Variants in SPOCK3 observed in about 807,000 individuals in gnomAD.
The protein encoded by SPOCK3 is SPARC (osteonectin), cwcv and kazal like domains proteoglycan 3, also known as testican-3.
Under a neutral mutation model 56.6 loss-of-function variants are expected in SPOCK3, and 30 were observed. That is an observed-to-expected ratio of 0.53 (90% CI 0.40 to 0.72). SPOCK3 has a LOEUF of 0.72. Among genes scored for constraint, SPOCK3 ranks in the 30% least tolerant of loss-of-function variants. The pLI, the probability that SPOCK3 is intolerant of heterozygous loss-of-function variation, is 0.00. For synonymous variants in SPOCK3, 196 were observed against 183.3 expected (o/e 1.07, Z -0.56); for missense variants, 527 against 530.0 (o/e 0.99, Z 0.06).
chr4:167,140,051 T>C (rs909174616), intron 2 of SPOCK3, among the ~76,000 whole-genome samples: 1 of 152,048 alleles, frequency 6.6e-6, no homozygotes, highest in Non-Finnish European at 1.5e-5. Context: ...GAAGTTGTCA[T>C]ACAGAATGGC....
chr4:166,912,513 G>A, intron 5 of SPOCK3, 107 bp downstream of exon 5: 1 of 1,089,162 alleles, frequency 9.2e-7, no homozygotes, highest in African/African-American at 1.6e-5. Context: ...TATTTTATAA[G>A]TTAAATGAAT....
chr4:166,955,495 TA>T (rs1297738681), intron 4 of SPOCK3, among the ~76,000 whole-genome samples: 4 of 146,016 alleles, frequency 2.7e-5, no homozygotes, highest in Non-Finnish European at 6.0e-5. Context: ...ATTATATTAT[TA>T]AATTAGTTAT....
At chr4:167,149,804 T>G (rs1391110949) in intron 2 of SPOCK3, among the ~76,000 whole-genome samples, 2 of 146,478 alleles carry the variant, frequency 1.4e-5, no homozygotes, top group Non-Finnish European at 1.5e-5. Context: ...ATTTGAGAGA[T>G]ATATATGCAC....
At chr4:166,899,508 C>CTTTTT (rs781766258) in intron 5 of SPOCK3, among the ~76,000 whole-genome samples, 41,341 of 118,562 alleles carry the variant, frequency 0.35, 8,502 homozygotes, top group South Asian at 0.44. Flanking sequence ...TTCTTTCTTT[C>CTTTTT]TTTTTTTTTT....
At chr4:167,205,192 A>G (rs1330251891) in intron 2 of SPOCK3, among the ~76,000 whole-genome samples, 1 of 103,874 alleles carries the variant, frequency 9.6e-6, no homozygotes, top group African/African-American at 3.8e-5. Flanking sequence ...TAGATATTTT[A>G]TATCTATAAT....
chr4:167,163,409 T>C (rs1580483285), intron 2 of SPOCK3, among the ~76,000 whole-genome samples: 1 of 152,050 alleles, frequency 6.6e-6, no homozygotes, highest in Non-Finnish European at 1.5e-5. Flanking sequence ...GGGGTACCCA[T>C]CACCTCAAGT....
chr4:166,877,293 T>C (rs1442374455), intron 6 of SPOCK3, among the ~76,000 whole-genome samples: 1 of 152,192 alleles, frequency 6.6e-6, no homozygotes, highest in Middle Eastern at 3.2e-3. Flanking sequence ...AGTAGATTTC[T>C]CTGCAGCTAT....
chr4:166,817,832 G>C (rs1011660418), intron 6 of SPOCK3, among the ~76,000 whole-genome samples: 1 of 152,034 alleles, frequency 6.6e-6, no homozygotes, highest in Non-Finnish European at 1.5e-5. Context: ...TTAAGAAACT[G>C]TGACAGTGAC....
At chr4:167,187,442 A>G (rs1475690866) in intron 2 of SPOCK3, among the ~76,000 whole-genome samples, 1 of 151,852 alleles carries the variant, frequency 6.6e-6, no homozygotes, top group Non-Finnish European at 1.5e-5. Context: ...TACTTTCTCC[A>G]TGATATAACA....
At chr4:167,098,832 A>C (rs566178324) in intron 2 of SPOCK3, among the ~76,000 whole-genome samples, 2 of 152,158 alleles carry the variant, frequency 1.3e-5, no homozygotes, top group South Asian at 4.1e-4. Flanking sequence ...CTTCATGCCA[A>C]ATATTCCAAA....
intron 7 of SPOCK3, among the ~76,000 whole-genome samples, chr4:166,772,090 T>A (rs1739002662): frequency 6.6e-6 from 1 of 152,062 alleles, no homozygotes; most frequent in Non-Finnish European, 1.5e-5. Flanking sequence ...AATAATCTCA[T>A]TTTATTTTAT....
intron 5 of SPOCK3, among the ~76,000 whole-genome samples, chr4:166,896,724 C>T (rs1325348007): frequency 6.6e-6 from 1 of 152,180 alleles, no homozygotes; most frequent in Non-Finnish European, 1.5e-5. Flanking sequence ...ATACTTTCTC[C>T]ATGAATGAGA....
intron 2 of SPOCK3, among the ~76,000 whole-genome samples, chr4:167,190,023 C>G (rs145776221): frequency 6.9e-6 from 1 of 145,522 alleles, no homozygotes; most frequent in Non-Finnish European, 1.5e-5. Flanking sequence ...TATTAATTCA[C>G]GAAGGACACT....
At chr4:166,918,655 A>G (rs893186388) in intron 4 of SPOCK3, among the ~76,000 whole-genome samples, 1 of 152,228 alleles carries the variant, frequency 6.6e-6, no homozygotes, top group African/African-American at 2.4e-5. Flanking sequence ...ATTTTTAAAC[A>G]TATTTTAAAA....
intron 2 of SPOCK3, among the ~76,000 whole-genome samples, chr4:167,168,663 A>T (rs551038925): frequency 6.6e-6 from 1 of 152,258 alleles, no homozygotes; most frequent in African/African-American, 2.4e-5. Context: ...CAGCCTGACA[A>T]TGCAGTAGAA....
At chr4:167,058,760 G>T (rs1276643749) in intron 3 of SPOCK3, among the ~76,000 whole-genome samples, 1 of 152,074 alleles carries the variant, frequency 6.6e-6, no homozygotes, top group Non-Finnish European at 1.5e-5. Context: ...ATACTACAAG[G>T]CTACAGTAAC....
intron 10 of SPOCK3, among the ~76,000 whole-genome samples, chr4:166,736,154 C>A (rs1322762748): frequency 6.6e-6 from 1 of 152,026 alleles, no homozygotes; most frequent in Non-Finnish European, 1.5e-5. Flanking sequence ...AAATTCCCAT[C>A]TTAACTGAAG....
intron 2 of SPOCK3, among the ~76,000 whole-genome samples, chr4:167,190,785 T>A (rs138732122): frequency 2.7e-5 from 4 of 145,918 alleles, no homozygotes; most frequent in Non-Finnish European, 4.5e-5. Context: ...AAGTTAAATT[T>A]TGTGTATGAT....
At chr4:166,953,895 G>T (rs932423311) in intron 4 of SPOCK3, among the ~76,000 whole-genome samples, 19 of 152,016 alleles carry the variant, frequency 1.2e-4, no homozygotes, top group African/African-American at 3.1e-4. Flanking sequence ...TGAGAACACA[G>T]GGACACAGGA....
Sources: gnomAD v4.1 joint callset for allele counts (sites outside exome capture counted in the v4.1 genomes callset) on GRCh38, gnomAD v4.1.1 for gene constraint, MANE v1.5 for transcripts, NCBI Gene and HGNC (gene_info 2026-07-23, HGNC 2026-07-21) for gene names.